LRP1B: variants seen among roughly 807,000 people sequenced by gnomAD.
LRP1B encodes the protein LDL receptor related protein 1B.
LRP1B carries 217 observed loss-of-function variants against 556.6 expected under a neutral mutation model. The ratio of observed to expected loss-of-function variants is 0.39; its 90% CI spans 0.35 to 0.44. LRP1B has a LOEUF of 0.44. LRP1B is among the 20% of genes least tolerant of loss of function. The pLI is 1.00. For synonymous variants in LRP1B, 2,047 were observed against 1,865.8 expected (o/e 1.10, Z -2.50); for missense variants, 5,053 against 5,620.8 (o/e 0.90, Z 3.23).
intron 1 of LRP1B, among the ~76,000 whole-genome samples, chr2:142,085,418 CT>C (rs1263875071): frequency 6.6e-6 from 1 of 152,152 alleles, no homozygotes; most frequent in Non-Finnish European, 1.5e-5. Context: ...GGTAGAAAAT[CT>C]ATCTATTCAT....
At chr2:141,363,805 C>G (rs1436885196) in intron 3 of LRP1B, among the ~76,000 whole-genome samples, 1 of 152,016 alleles carries the variant, frequency 6.6e-6, no homozygotes, top group Non-Finnish European at 1.5e-5. Context: ...TATAGTTATT[C>G]TATAAATATG....
At chr2:140,383,373 G>A (rs1424033682) in intron 67 of LRP1B, among the ~76,000 whole-genome samples, 3 of 151,570 alleles carry the variant, frequency 2.0e-5, no homozygotes, top group African/African-American at 7.3e-5. Flanking sequence ...ATAGATTTTA[G>A]TACAGCAATA....
Position 140,471,106 on chromosome 2 carries a change from T to C in LRP1B, c.9625+4032A>G, listed in dbSNP as rs181706251. ...ATATATTAGGATCAGTCTGTTTTTGTATAACAGTGTATTTAAAAACTGAAT... is the reference window on the plus strand; with the variant it reads ...ATATATTAGGATCAGTCTGTTTTTGCATAACAGTGTATTTAAAAACTGAAT... On this transcript the variant is annotated intron_variant, in intron 60 of 90. Transcript: ENST00000389484. Among the ~76,000 whole-genome samples, 16 of 152,328 alleles carry C rather than the reference T, an allele frequency of 1.1e-4. No homozygotes were observed. The East Asian group carries it at 3.1e-3, about 29-fold the overall frequency.
intron 41 of LRP1B, among the ~76,000 whole-genome samples, chr2:140,619,434 C>G (rs533613859): frequency 6.6e-6 from 1 of 152,026 alleles, no homozygotes; most frequent in African/African-American, 2.4e-5. Context: ...ACAGAAATGG[C>G]CAAGATGGAT....
chr2:140,331,260 T>C (rs1417536065), intron 79 of LRP1B, among the ~76,000 whole-genome samples: 2 of 152,122 alleles, frequency 1.3e-5, no homozygotes, highest in African/African-American at 2.4e-5. Flanking sequence ...AATGCGATCA[T>C]GTCCTTTGCA....
intron 20 of LRP1B, among the ~76,000 whole-genome samples, chr2:140,939,844 G>A (rs977240159): frequency 6.1e-5 from 9 of 146,368 alleles, no homozygotes; most frequent in African/African-American, 1.0e-4. Flanking sequence ...GGAAAAACAT[G>A]TTTCTTTCTT....
At chr2:142,091,867 G>A (rs770359386) in intron 1 of LRP1B, among the ~76,000 whole-genome samples, 1 of 152,106 alleles carries the variant, frequency 6.6e-6, no homozygotes, top group Non-Finnish European at 1.5e-5. Context: ...GCAGAAAATC[G>A]ATGAAAGATT....
intron 86 of LRP1B, among the ~76,000 whole-genome samples, chr2:140,252,058 G>T (rs1573686504): frequency 2.2e-4 from 1 of 4,506 alleles, no homozygotes; most frequent in South Asian, 0.01. Flanking sequence ...AGCATGACAA[G>T]ATGCAAAAAA....
At chr2:141,008,842 A>G (rs1041624110) in intron 14 of LRP1B, among the ~76,000 whole-genome samples, 1 of 151,976 alleles carries the variant, frequency 6.6e-6, no homozygotes, top group African/African-American at 2.4e-5. Context: ...AGGCACAGGT[A>G]CAAGTTTGTG....
chr2:141,609,329 T>C (rs1688025146), intron 2 of LRP1B, among the ~76,000 whole-genome samples: 1 of 152,162 alleles, frequency 6.6e-6, no homozygotes, highest in Non-Finnish European at 1.5e-5. Flanking sequence ...AAAACATGGG[T>C]CATGGCCTCT....
chr2:141,453,119 C>A (rs544292697), intron 3 of LRP1B, among the ~76,000 whole-genome samples: 103 of 152,024 alleles, frequency 6.8e-4, no homozygotes, highest in African/African-American at 2.3e-3. Context: ...TGCCTGTAGT[C>A]CCAGCTACTC....
chr2:141,585,341 AG>A (rs1687099361), intron 2 of LRP1B, among the ~76,000 whole-genome samples: 1 of 152,124 alleles, frequency 6.6e-6, no homozygotes, highest in Admixed American at 6.5e-5. Context: ...TCCTTGTAAA[AG>A]AAAACCCTTA....
chr2:140,809,668 A>G (rs921325854), intron 32 of LRP1B, among the ~76,000 whole-genome samples: 7 of 152,166 alleles, frequency 4.6e-5, no homozygotes, highest in African/African-American at 1.7e-4. Flanking sequence ...TGACTACAAA[A>G]CTTAGCACCA....
At chr2:141,543,737 G>GA (rs35889376) in intron 2 of LRP1B, among the ~76,000 whole-genome samples, 35,205 of 144,836 alleles carry the variant, frequency 0.24, 4,229 homozygotes, top group South Asian at 0.42. Flanking sequence ...AAAGAAAAAA[G>GA]AAAAAAAAAA....
chr2:141,413,955 G>A (rs950027848), intron 3 of LRP1B, among the ~76,000 whole-genome samples: 12 of 151,160 alleles, frequency 7.9e-5, no homozygotes, highest in Admixed American at 3.3e-4. Flanking sequence ...AAGAGGCTGG[G>A]CGCAGTGGCT....
At chr2:140,608,984 A>G (rs1682971295) in intron 41 of LRP1B, among the ~76,000 whole-genome samples, 1 of 152,186 alleles carries the variant, frequency 6.6e-6, no homozygotes, top group Non-Finnish European at 1.5e-5. Context: ...TCATGTCACT[A>G]CTACTGGAAG....
intron 3 of LRP1B, among the ~76,000 whole-genome samples, chr2:141,469,775 C>G (rs1016428063): frequency 3.3e-5 from 5 of 152,120 alleles, no homozygotes; most frequent in African/African-American, 1.2e-4. Context: ...ATGGTTAATT[C>G]TCATTGGAAT....
intron 7 of LRP1B, among the ~76,000 whole-genome samples, chr2:141,075,346 AT>A (rs1699759228): frequency 6.6e-6 from 1 of 152,158 alleles, no homozygotes; most frequent in Non-Finnish European, 1.5e-5. Flanking sequence ...TATAATATTA[AT>A]TTTCACATAC....
chr2:141,891,839 T>C (rs1699303175), intron 1 of LRP1B, among the ~76,000 whole-genome samples: 2 of 152,154 alleles, frequency 1.3e-5, no homozygotes. Context: ...TTCAGTTTCT[T>C]ATCCCTTTTC....
Sources: allele counts gnomAD v4.1 joint callset (sites outside exome capture counted in the v4.1 genomes callset), GRCh38; gene constraint gnomAD v4.1.1; transcripts MANE v1.5; gene names NCBI Gene and HGNC (gene_info 2026-07-23, HGNC 2026-07-21).